Variants in C6orf132 observed in about 807,000 individuals in gnomAD.
C6orf132 encodes uncharacterized protein C6orf132.
Under a neutral mutation model 65.3 loss-of-function variants are expected in C6orf132, and 43 were observed. The ratio of observed to expected loss-of-function variants is 0.66; its 90% CI spans 0.52 to 0.85. C6orf132 has a LOEUF of 0.85. Among genes scored for constraint, C6orf132 ranks in the 40% least tolerant of loss-of-function variants. C6orf132 has a pLI of 0.00. For missense variants in C6orf132, 1,488 were observed against 1,548.8 expected (o/e 0.96, Z 0.66); for synonymous variants, 631 against 654.1 (o/e 0.96, Z 0.54).
At position 42,104,993 on chromosome 6, in the gene C6orf132, C is replaced by G. The variant is rs1562032222; in HGVS notation, c.2919G>C (p.Lys973Asn). The G allele has an allele frequency of 1.1e-5, 17 of 1,522,258 alleles. No individual in the cohort carries two copies. Among genetic ancestry groups the G allele is most frequent in the Middle Eastern group, 1.7e-4 (1 of 5,884 alleles). 94.3% of individuals were successfully genotyped at this position (1,522,258 alleles called of 1,614,324 possible). The change falls in exon 4 of 5, where the codon AAG becomes AAC. Residue 973 changes from lysine to asparagine, a missense_variant. Transcript: ENST00000341865. The surrounding 1 kb of genome is among the most constrained non-coding windows in gnomAD (Gnocchi z 4.1). ...SFSSPPSPSN[K>N]REEEEEEFNF... ...TGAACTCCTCCTCCTCCTCCTCCCT[C>G]TTGTTCGAAGGAGAAGGTGGGGAGG...
chr6:42,131,019 G>C (rs906715717), intron 1 of C6orf132, among the ~76,000 whole-genome samples: 1 of 152,140 alleles, frequency 6.6e-6, no homozygotes, highest in African/African-American at 2.4e-5. Context: ...CGAAGTAGTT[G>C]GGATTACAGG....
At chr6:42,128,583 G>A (rs768771455) in intron 2 of C6orf132, 89 bp downstream of exon 2, 2 of 942,896 alleles carry the variant, frequency 2.1e-6, no homozygotes, top group Admixed American at 4.1e-5. Context: ...GGTGGACAGA[G>A]GGTGCAGCTG....
Position 42,142,599 on chromosome 6 carries a change from G to C in C6orf132, c.-155C>G, listed in dbSNP as rs1409932012. The stretch of plus-strand genomic sequence containing the variant: ...GCGCACCGGGCAACAGGTGCTGCGG[G>C]CGCCGCCGCTTGCCGGGAAATGCGA... On this transcript the variant is annotated 5_prime_UTR_variant, in exon 1 of 5. Coordinates refer to ENST00000341865, the MANE Select transcript of C6orf132 (RefSeq NM_001164446.3). 49 of 346,370 alleles carry C rather than the reference G, an allele frequency of 1.4e-4. No individual in the cohort carries two copies. Among genetic ancestry groups the C allele is most frequent in the East Asian group, 3.2e-4 (4 of 12,532 alleles). 21.5% of individuals were successfully genotyped at this position (346,370 alleles called of 1,614,324 possible).
intron 1 of C6orf132, among the ~76,000 whole-genome samples, chr6:42,141,420 T>G (rs74895378): frequency 6.6e-6 from 1 of 152,068 alleles, no homozygotes; most frequent in Non-Finnish European, 1.5e-5. Context: ...ACACAAGAAA[T>G]GGATTTCTGT....
rs745724918 is a variant in C6orf132, at chr6:42,107,544, C to G, written c.368G>C (p.Ser123Thr). The change falls in exon 4 of 5, where the codon AGC (serine) becomes ACC (threonine). Residue 123 changes from serine (S) to threonine (T), a missense_variant. Transcript: ENST00000341865. ...TCCAGGCCTCAGGTCACCCACAGAG[C>G]TGTACAGTCGGAGGTTGCCATTGAC... ...SLVNGNLRLY[S>T]SVGDLRPGQY... 25 of 1,550,720 alleles carry G rather than the reference C, an allele frequency of 1.6e-5. No homozygotes were observed. The highest frequency in any genetic ancestry group is 1.5e-4 in the South Asian group (13 of 84,056).
At chr6:42,125,048 G>T (rs1301596350) in intron 2 of C6orf132, among the ~76,000 whole-genome samples, 2 of 152,246 alleles carry the variant, frequency 1.3e-5, no homozygotes, top group South Asian at 2.1e-4. Flanking sequence ...CCTCATCATG[G>T]CGTCAAAAGC....
intron 1 of C6orf132, among the ~76,000 whole-genome samples, chr6:42,137,721 A>G (rs1469845875): frequency 6.6e-6 from 1 of 151,774 alleles, no homozygotes; most frequent in Non-Finnish European, 1.5e-5. Context: ...GCACAAAACA[A>G]TTCCCCTGGA....
chr6:42,131,209 T>C (rs1219102926), intron 1 of C6orf132, among the ~76,000 whole-genome samples: 2 of 151,540 alleles, frequency 1.3e-5, no homozygotes, highest in Admixed American at 1.3e-4. Flanking sequence ...TTAGTAGAGA[T>C]GGTGTTTCAC....
At position 42,106,226 on chromosome 6, in the gene C6orf132, A is replaced by C; in HGVS notation, c.1686T>G (p.Ser562Arg). ...CCAGCTCATTCCGGATCTGCCGCAC[A>C]CTGGGAGTTGGAGAGTCTTGGGGAA... ...DYIPQDSPTP[S>R]VRQIRNELEA... The change falls in exon 4 of 5, where the codon AGT becomes AGG. Residue 562 changes from serine (S) to arginine (R), a missense_variant. Coordinates refer to ENST00000341865, the MANE Select transcript of C6orf132 (RefSeq NM_001164446.3). 1 of 1,537,180 alleles carries C rather than the reference A, an allele frequency of 6.5e-7. No homozygotes were observed. Among genetic ancestry groups the C allele is most frequent in the Non-Finnish European group, 8.7e-7 (1 of 1,146,904 alleles).
intron 2 of C6orf132, among the ~76,000 whole-genome samples, chr6:42,126,077 G>GTTTTTGT (rs1403558422): frequency 3.4e-5 from 5 of 148,084 alleles, no homozygotes; most frequent in African/African-American, 1.2e-4. Context: ...TTTCTGTTTT[G>GTTTTTGT]TTTTTGTTTT....
At chr6:42,112,424 TGAATATCA>T (rs1766510187) in intron 2 of C6orf132, among the ~76,000 whole-genome samples, 1 of 152,234 alleles carries the variant, frequency 6.6e-6, no homozygotes, top group African/African-American at 2.4e-5. Flanking sequence ...TGTCTGGATT[TGAATATCA>T]GATCTGCTAC....
chr6:42,105,884 T>TG lies in C6orf132; in HGVS notation c.2027dup (p.Ser677IlefsTer66). The TG allele has an allele frequency of 3.3e-6, 5 of 1,537,216 alleles. No homozygotes were observed. Among genetic ancestry groups the TG allele is most frequent in the Non-Finnish European group, 4.4e-6 (5 of 1,146,874 alleles). Reference sequence around the variant, plus strand: ...CCTTGAGTGGTGTGGTTGGCCCAGATGTGGCCTTGAGTGGTGTGGCTGGCC... The same window carrying TG: ...CCTTGAGTGGTGTGGTTGGCCCAGATGGTGGCCTTGAGTGGTGTGGCTGGCC... On this transcript the variant is annotated frameshift_variant, in exon 4 of 5. Transcript: ENST00000341865. LOFTEE classifies it high-confidence loss of function.
intron 2 of C6orf132, among the ~76,000 whole-genome samples, chr6:42,123,721 G>C (rs1380714711): frequency 6.6e-6 from 1 of 152,094 alleles, no homozygotes; most frequent in Non-Finnish European, 1.5e-5. Context: ...TTGTACCCGG[G>C]ACCAGCCTGG....
In C6orf132 at chr6:42,142,391, C is replaced by T; in HGVS notation, c.54G>A (p.Lys18=). The stretch of plus-strand genomic sequence containing the variant: ...GGGAGGTGCTGGGGGTCGTGGTGTG[C>T]TTCTTCCCGAAGAGTTTGCTGAAGG... ...QGTFSKLFGK[K]HTTTPSTSLY... is the part of the protein sequence containing the mutation. The change falls in exon 1 of 5, where the codon AAG becomes AAA. Residue 18 remains lysine (K), a synonymous_variant. Transcript: ENST00000341865. 1 of 1,551,516 alleles carries T rather than the reference C, an allele frequency of 6.4e-7. No homozygotes were observed. Among genetic ancestry groups the T allele is most frequent in the South Asian group, 1.2e-5 (1 of 84,046 alleles).
Position 42,134,082 on chromosome 6 carries a change from AC to A in C6orf132, c.146-5305del, listed in dbSNP as rs546344280. Among the ~76,000 whole-genome samples the A allele has an allele frequency of 2.0e-5, 3 of 151,766 alleles. No individual in the cohort carries two copies. The South Asian group carries it at 6.2e-4, about 32-fold the overall frequency. On this transcript the variant is annotated intron_variant, in intron 1 of 4. Coordinates refer to ENST00000341865, the MANE Select transcript of C6orf132 (RefSeq NM_001164446.3). ...CTGAGGCTGCCTGGGCTGTGAGGAG[AC>A]CATGGCTGAGGTTCTGCCCTGGCCG...
At position 42,106,918 on chromosome 6, in the gene C6orf132, T is replaced by C; in HGVS notation, c.994A>G (p.Lys332Glu). 1 of 1,535,886 alleles carries C rather than the reference T, an allele frequency of 6.5e-7. No homozygotes were observed. The highest frequency in any genetic ancestry group is 8.7e-7 in the Non-Finnish European group (1 of 1,146,358). The change falls in exon 4 of 5, where the codon AAG becomes GAG. Residue 332 changes from lysine (K) to glutamate (E), a missense_variant. By Grantham distance (56) the Lys-to-Glu change is moderately conservative (BLOSUM62 1). Transcript: ENST00000341865. The stretch of plus-strand genomic sequence containing the variant: ...AGTGGGAGTCGGCTGGGAGCCTTCT[T>C]GGTGGCCCCCTCTTCCTTTCGGGGA... ...EAPRKEEGAT[K>E]KAPSRLPLPP...
Position 42,106,688 on chromosome 6 carries a change from G to A in C6orf132, c.1224C>T (p.Pro408=), listed in dbSNP as rs1373374048. The A allele has an allele frequency of 2.0e-6, 3 of 1,502,266 alleles. No homozygotes were observed. The highest frequency in any genetic ancestry group is 1.8e-6 in the Non-Finnish European group (2 of 1,121,752). The allele number at this position is 1,502,266 out of a possible 1,614,324, so 93.1% of individuals were successfully genotyped here. A position where few individuals can be genotyped will look rare whatever the true frequency, so the allele number is the denominator to read the frequency against. Reference sequence around the variant, plus strand: ...AAGGAGGTGCAGCTGGGGGAAGTGGGGGTGCTGGGGGAGGGAGGGGGGGTG... The same window carrying A: ...AAGGAGGTGCAGCTGGGGGAAGTGGAGGTGCTGGGGGAGGGAGGGGGGGTG... ...PPAPPLPPPA[P]PLPPAAPPLP... is the part of the protein sequence containing the mutation. Residue 408 remains proline (P), a synonymous_variant, in exon 4 of 5, where the codon CCC becomes CCT. Coordinates refer to ENST00000341865, the MANE Select transcript of C6orf132 (RefSeq NM_001164446.3).
At chr6:42,121,569 C>T (rs1483160907) in intron 2 of C6orf132, among the ~76,000 whole-genome samples, 3 of 152,246 alleles carry the variant, frequency 2.0e-5, no homozygotes, top group Admixed American at 6.5e-5. Flanking sequence ...CATCCTCATG[C>T]CTGGGATTCC....
At position 42,106,227 on chromosome 6, in the gene C6orf132, C is replaced by T; in HGVS notation, c.1685G>A (p.Ser562Asn). ...CAGCTCATTCCGGATCTGCCGCACA[C>T]TGGGAGTTGGAGAGTCTTGGGGAAT... Reference protein sequence around the residue: ...DYIPQDSPTPSVRQIRNELEA... With the variant: ...DYIPQDSPTPNVRQIRNELEA... Residue 562 changes from serine to asparagine, a missense_variant, in exon 4 of 5, where the codon AGT (serine) becomes AAT (asparagine). Coordinates refer to ENST00000341865, the MANE Select transcript of C6orf132 (RefSeq NM_001164446.3). 4.6e-6 allele frequency: 7 copies of T among 1,537,216 alleles called. No homozygotes were observed. The highest frequency in any genetic ancestry group is 6.1e-6 in the Non-Finnish European group (7 of 1,146,902).
Sources: gnomAD v4.1 joint callset for allele counts (sites outside exome capture counted in the v4.1 genomes callset) on GRCh38, gnomAD v4.1.1 for gene constraint, Gnocchi (gnomAD v3.1) non-coding constraint, MANE v1.5 for transcripts, NCBI Gene and HGNC (gene_info 2026-07-23, HGNC 2026-07-21) for gene names.